Variants in PTPRM observed in about 807,000 individuals in gnomAD.
PTPRM encodes receptor-type tyrosine-protein phosphatase mu.
In PTPRM, 47 loss-of-function variants were observed where a neutral mutation model predicts 186.7. That is an observed-to-expected ratio of 0.25 (90% CI 0.20 to 0.32). The LOEUF (loss-of-function observed/expected upper bound fraction) is 0.32. Among genes scored for constraint, PTPRM ranks in the 10% least tolerant of loss-of-function variants. PTPRM has a pLI of 1.00. For missense variants in PTPRM, 1,494 were observed against 1,865.0 expected, an observed-to-expected ratio of 0.80 and a Z score of 3.66; for synonymous variants, 668 against 674.9, an observed-to-expected ratio of 0.99 and a Z score of 0.16.
intron 1 of PTPRM, among the ~76,000 whole-genome samples, chr18:7,574,905 G>A (rs150999984): frequency 6.6e-6 from 1 of 152,150 alleles, no homozygotes; most frequent in Non-Finnish European, 1.5e-5. Flanking sequence ...GTTGGTGGGC[G>A]CCTGTAGTCC....
chr18:8,125,103 A>AG (rs2092297056), intron 13 of PTPRM, among the ~76,000 whole-genome samples: 1 of 151,872 alleles, frequency 6.6e-6, no homozygotes, highest in Non-Finnish European at 1.5e-5. Context: ...ATAGCCACTC[A>AG]GGAGGCTGAG....
chr18:7,949,973 C>T (rs932523191), intron 6 of PTPRM, among the ~76,000 whole-genome samples: 1 of 151,972 alleles, frequency 6.6e-6, no homozygotes, highest in African/African-American at 2.4e-5. Flanking sequence ...CATTAAGCCA[C>T]CAAGACAATT....
chr18:8,129,405 A>G (rs2092448846), intron 13 of PTPRM, among the ~76,000 whole-genome samples: 2 of 152,188 alleles, frequency 1.3e-5, no homozygotes, highest in Non-Finnish European at 2.9e-5. Flanking sequence ...CCCTGGCTGT[A>G]CTGTTGATAG....
chr18:8,242,639 C>A (rs1013021380), intron 14 of PTPRM, among the ~76,000 whole-genome samples: 1 of 152,166 alleles, frequency 6.6e-6, no homozygotes, highest in African/African-American at 2.4e-5. Context: ...AAATATGTCT[C>A]TTTTCTAACA....
At chr18:8,050,448 G>A (rs2087401530) in intron 7 of PTPRM, among the ~76,000 whole-genome samples, 2 of 150,792 alleles carry the variant, frequency 1.3e-5, no homozygotes, top group Non-Finnish European at 2.9e-5. Flanking sequence ...ATATGAATAT[G>A]AATATTGAAC....
intron 1 of PTPRM, among the ~76,000 whole-genome samples, chr18:7,661,689 A>G (rs931170629): frequency 1.3e-5 from 2 of 152,246 alleles, no homozygotes; most frequent in Non-Finnish European, 1.5e-5. Flanking sequence ...TGCTACAAAC[A>G]TGCAACTCCT....
At position 8,143,683 on chromosome 18, in the gene PTPRM, A is replaced by C. The variant is rs754362101; in HGVS notation, c.2204A>C (p.Lys735Thr). 2 of 1,608,368 alleles carry C rather than the reference A, an allele frequency of 1.2e-6. No homozygotes were observed. Among genetic ancestry groups the C allele is most frequent in the African/African-American group, 2.7e-5 (2 of 74,768 alleles). Residue 735 changes from lysine (K) to threonine (T), a missense_variant, in exon 14 of 33, where the codon AAA becomes ACA. Transcript: ENST00000580170. ...CCGAAACCAGTCCCAGAACCCGAGA[A>C]ACAGACAGACCATACAGTTAAAATT... ...ATPKPVPEPE[K>T]QTDHTVKIAG...
Position 7,983,463 on chromosome 18 carries a change from A to T in PTPRM, c.1132+28049A>T, listed in dbSNP as rs373223308. ...AATGCCTGTTTTACTCACCAGACAGAGTCTTTGCCCTGCCCCTGTCCTGCC... is the reference window on the plus strand; with the variant it reads ...AATGCCTGTTTTACTCACCAGACAGTGTCTTTGCCCTGCCCCTGTCCTGCC... On this transcript the variant is annotated intron_variant, in intron 7 of 32. Transcript: ENST00000580170. Among the ~76,000 whole-genome samples, 17 of 152,218 alleles carry T rather than the reference A, an allele frequency of 1.1e-4. No homozygotes were observed. In the East Asian group the frequency reaches 1.7e-3, roughly 16 times the overall value.
At chr18:8,252,789 T>C (rs949867732) in intron 18 of PTPRM, among the ~76,000 whole-genome samples, 3 of 152,228 alleles carry the variant, frequency 2.0e-5, no homozygotes, top group Non-Finnish European at 4.4e-5. Flanking sequence ...GCTAGCTTTA[T>C]AAGCCACACC....
chr18:7,622,184 A>G (rs1481863827), intron 1 of PTPRM, among the ~76,000 whole-genome samples: 1 of 152,232 alleles, frequency 6.6e-6, no homozygotes, highest in Non-Finnish European at 1.5e-5. Flanking sequence ...AATATTCTAA[A>G]AATTGAATTT....
intron 7 of PTPRM, among the ~76,000 whole-genome samples, chr18:7,961,110 A>G (rs896322700): frequency 2.0e-5 from 3 of 152,166 alleles, no homozygotes; most frequent in Non-Finnish European, 4.4e-5. Flanking sequence ...CCATCACCTG[A>G]AGCATTTATC....
At chr18:8,074,828 A>G (rs1289668788) in intron 8 of PTPRM, among the ~76,000 whole-genome samples, 1 of 152,172 alleles carries the variant, frequency 6.6e-6, no homozygotes, top group African/African-American at 2.4e-5. Flanking sequence ...TGATATGCAG[A>G]AGCCTTCTCC....
At chr18:8,287,732 C>T (rs141107758) in intron 19 of PTPRM, among the ~76,000 whole-genome samples, 1 of 152,166 alleles carries the variant, frequency 6.6e-6, no homozygotes, top group African/African-American at 2.4e-5. Flanking sequence ...GTGTGAACCT[C>T]CCAAACTCTG....
chr18:8,270,079 G>A (rs966384037), intron 19 of PTPRM: 10 of 152,046 alleles, frequency 6.6e-5, no homozygotes, highest in African/African-American at 2.2e-4. Flanking sequence ...AAAGTAGCAA[G>A]TAGGTTTATA....
At chr18:8,090,214 C>T (rs2145350401) in intron 11 of PTPRM, among the ~76,000 whole-genome samples, 1 of 152,260 alleles carries the variant, frequency 6.6e-6, no homozygotes, top group Non-Finnish European at 1.5e-5. Flanking sequence ...ATGACCATGG[C>T]TCAGTCTTTT....
chr18:7,632,529 C>T (rs1034216167), intron 1 of PTPRM, among the ~76,000 whole-genome samples: 7 of 152,182 alleles, frequency 4.6e-5, no homozygotes, highest in South Asian at 2.1e-4. Context: ...CACTTGGTGT[C>T]GTTTCCATGA....
chr18:7,904,441 C>T (rs988506374), intron 3 of PTPRM, among the ~76,000 whole-genome samples: 1 of 152,142 alleles, frequency 6.6e-6, no homozygotes, highest in African/African-American at 2.4e-5. Context: ...CCATTCCTAC[C>T]CCTGGCAACC....
At chr18:8,393,865 T>A (rs1174935009) in intron 31 of PTPRM, among the ~76,000 whole-genome samples, 2 of 152,198 alleles carry the variant, frequency 1.3e-5, no homozygotes, top group African/African-American at 4.8e-5. Context: ...CTCGGCTCAC[T>A]GCAAGCTCCA....
chr18:7,648,242 G>A (rs569191081), intron 1 of PTPRM, among the ~76,000 whole-genome samples: 111 of 152,240 alleles, frequency 7.3e-4, no homozygotes, highest in African/African-American at 2.6e-3. Context: ...TGATAAATGT[G>A]TGCTTTTCAC....
Sources: allele counts gnomAD v4.1 joint callset (sites outside exome capture counted in the v4.1 genomes callset), GRCh38; gene constraint gnomAD v4.1.1; transcripts MANE v1.5; gene names NCBI Gene and HGNC (gene_info 2026-07-23, HGNC 2026-07-21).